Variants in DAPK1 observed in about 807,000 individuals in gnomAD.
DAPK1 encodes the protein death-associated protein kinase 1.
In DAPK1, 56 loss-of-function variants were observed where a neutral mutation model predicts 144.9. That is an observed-to-expected ratio of 0.39 (90% confidence interval 0.31 to 0.48). DAPK1 has a LOEUF of 0.48. DAPK1 is among the 20% of genes least tolerant of loss of function. DAPK1 has a pLI of 0.95. For synonymous variants in DAPK1, 690 were observed against 749.0 expected (o/e 0.92, Z 1.29); for missense variants, 1,454 against 1,875.4 (o/e 0.78, Z 4.15).
intron 24 of DAPK1, chr9:87,701,794 A>G (rs1423067613): frequency 2.2e-6 from 1 of 457,558 alleles, no homozygotes. Flanking sequence ...CTGGTTCTAG[A>G]TGTGCTTCCA....
At chr9:87,662,750 T>C (rs1367113642) in intron 18 of DAPK1, among the ~76,000 whole-genome samples, 1 of 151,976 alleles carries the variant, frequency 6.6e-6, no homozygotes, top group African/African-American at 2.4e-5. Flanking sequence ...TTTCTAGATA[T>C]AAAATCATAT....
chr9:87,508,622 G>C (rs559085885), intron 2 of DAPK1, among the ~76,000 whole-genome samples: 4 of 152,092 alleles, frequency 2.6e-5, no homozygotes, highest in Non-Finnish European at 5.9e-5. Context: ...GATTACAGGC[G>C]TGAGCCACCG....
chr9:87,654,953 G>A (rs972464175), intron 17 of DAPK1, among the ~76,000 whole-genome samples: 2 of 152,164 alleles, frequency 1.3e-5, no homozygotes, highest in Non-Finnish European at 2.9e-5. Context: ...AGACTTTCAT[G>A]TTTTGAAACC....
At chr9:87,702,098 C>T (rs561234632) in intron 24 of DAPK1, among the ~76,000 whole-genome samples, 3 of 152,146 alleles carry the variant, frequency 2.0e-5, no homozygotes, top group Non-Finnish European at 2.9e-5. Flanking sequence ...AGACACCCCC[C>T]GCCCAACCCC....
chr9:87,572,937 G>A (rs535502454), intron 2 of DAPK1, among the ~76,000 whole-genome samples: 1 of 152,302 alleles, frequency 6.6e-6, no homozygotes, highest in East Asian at 1.9e-4. Flanking sequence ...TTCTAAGCTA[G>A]ATATTGCCAA....
intron 2 of DAPK1, among the ~76,000 whole-genome samples, chr9:87,572,630 C>A (rs903217125): frequency 2.6e-5 from 4 of 152,070 alleles, no homozygotes; most frequent in Non-Finnish European, 4.4e-5. Flanking sequence ...CCTCACCTTG[C>A]TTGTGCTCTC....
At chr9:87,631,974 A>G (rs1564032370) in intron 3 of DAPK1, 9 of 630,726 alleles carry the variant, frequency 1.4e-5, no homozygotes, top group Non-Finnish European at 1.8e-5. Context: ...ATGAGTATAT[A>G]TGTAGAAATA....
At position 87,625,590 on chromosome 9, in the gene DAPK1, G is replaced by C. The variant is rs574146131; in HGVS notation, c.285-12353G>C. ...AGTGTAGAGACTTGCAGGGTCTTGG[G>C]TAGGCACAGTAGTGCTGGAGACTTC... On this transcript the variant is annotated intron_variant, in intron 3 of 25. Coordinates refer to ENST00000408954, the MANE Select transcript of DAPK1 (RefSeq NM_004938.4). 9.2e-5 allele frequency among the ~76,000 whole-genome samples: 14 copies of C among 152,284 alleles called. No individual in the cohort carries two copies. The South Asian group carries it at 2.9e-3, about 32-fold the overall frequency.
In DAPK1 at chr9:87,686,415, C is replaced by T; in HGVS notation, c.2225-136C>T. The T allele has an allele frequency of 2.6e-5, 16 of 624,914 alleles. No homozygotes were observed. The South Asian group carries it at 2.9e-4, about 11-fold the overall frequency. 38.7% of individuals were successfully genotyped at this position (624,914 alleles called of 1,614,324 possible). ...GCTGCCCTGCACGTGTGAGGGCAGACACACTCAGCCTGAAGCCAGAGTTGG... is the reference window on the plus strand; with the variant it reads ...GCTGCCCTGCACGTGTGAGGGCAGATACACTCAGCCTGAAGCCAGAGTTGG... On this transcript the variant is annotated intron_variant, in intron 20 of 25. Coordinates refer to ENST00000408954, the MANE Select transcript of DAPK1 (RefSeq NM_004938.4). The surrounding 1 kb of genome is among the most constrained non-coding windows in gnomAD (Gnocchi z 4.2).
Position 87,658,084 on chromosome 9 carries a change from G to A in DAPK1, c.1880G>A (p.Arg627Gln), listed in dbSNP as rs202110666. 46 of 1,546,512 alleles carry A rather than the reference G, an allele frequency of 3.0e-5. No individual in the cohort carries two copies. The highest frequency in any genetic ancestry group is 6.8e-5 in the African/African-American group (5 of 73,624). Residue 627 changes from arginine to glutamine, a missense_variant, in exon 18 of 26, where the codon CGG (arginine) becomes CAG (glutamine). Around this residue, in one of 2 missense-constraint regions of DAPK1, gnomAD observed 1,025 missense variants for 1,237.9 expected, o/e 0.83. Coordinates refer to ENST00000408954, the MANE Select transcript of DAPK1 (RefSeq NM_004938.4). ...AANNGILDVV[R>Q]YLCLMGASVE... ...AACAACGGAATCCTAGACGTGGTCC[G>A]GTATCTCTGTCTGATGGGAGCCAGC...
At chr9:87,537,952 C>T (rs1474635425) in intron 2 of DAPK1, among the ~76,000 whole-genome samples, 1 of 152,100 alleles carries the variant, frequency 6.6e-6, no homozygotes, top group Non-Finnish European at 1.5e-5. Flanking sequence ...GCTTTTTATC[C>T]AAAATCCCTT....
intron 2 of DAPK1, among the ~76,000 whole-genome samples, chr9:87,510,062 A>C (rs1287548193): frequency 6.6e-6 from 1 of 152,264 alleles, no homozygotes; most frequent in Non-Finnish European, 1.5e-5. Context: ...CATTACATAC[A>C]GCCTCAGGCA....
rs562102353 is a variant in DAPK1, at chr9:87,651,739, C to A, written c.1824+15C>A. ...TCTCCAACAAGGTATGCACAGAGAA[C>A]AGGATCCCTACAGCTTCCAACTGTG... is the stretch of plus-strand genomic sequence containing the variant. On this transcript the variant is annotated intron_variant, in intron 17 of 25. Coordinates refer to ENST00000408954, the MANE Select transcript of DAPK1 (RefSeq NM_004938.4). 2.7e-5 allele frequency: 43 copies of A among 1,611,536 alleles called. No individual in the cohort carries two copies. The South Asian group carries it at 4.2e-4, about 16-fold the overall frequency.
chr9:87,696,418 T>C (rs1340958527), intron 21 of DAPK1, among the ~76,000 whole-genome samples: 1 of 152,228 alleles, frequency 6.6e-6, no homozygotes. Context: ...TCAGTAGATG[T>C]GTGTCTTCGT....
chr9:87,620,143 C>CT (rs1829237489), intron 3 of DAPK1, among the ~76,000 whole-genome samples: 1 of 151,954 alleles, frequency 6.6e-6, no homozygotes, highest in Non-Finnish European at 1.5e-5. Flanking sequence ...CCCTGGCCCT[C>CT]TCCCCAGGTG....
intron 2 of DAPK1, among the ~76,000 whole-genome samples, chr9:87,504,031 A>C (rs1219505299): frequency 6.6e-6 from 1 of 152,206 alleles, no homozygotes; most frequent in African/African-American, 2.4e-5. Flanking sequence ...TGCAGGAGTC[A>C]GTCCTATGAA....
At chr9:87,555,318 T>C (rs59928044) in intron 2 of DAPK1, among the ~76,000 whole-genome samples, 12,585 of 152,202 alleles carry the variant, frequency 0.083, 871 homozygotes, top group East Asian at 0.33. Context: ...CTTGACCTCT[T>C]AAGCAACATA....
intron 22 of DAPK1, 126 bp from the exon 23 acceptor site, chr9:87,698,530 G>C: frequency 1.5e-6 from 1 of 683,822 alleles, no homozygotes; most frequent in East Asian, 2.5e-5. Flanking sequence ...TCATCTCTGT[G>C]GCATGTTGCA....
At position 87,604,823 on chromosome 9, in the gene DAPK1, A is replaced by G. The variant is rs1587760287; in HGVS notation, c.63-131A>G. On this transcript the variant is annotated intron_variant, in intron 2 of 25. Transcript: ENST00000408954. ...ATGATGATAAGAAACATCCCTACCTAATTTGTTACTTTCCACAATTGGAAC... is the reference window on the plus strand; with the variant it reads ...ATGATGATAAGAAACATCCCTACCTGATTTGTTACTTTCCACAATTGGAAC... The G allele has an allele frequency of 2.7e-5, 19 of 707,254 alleles. No individual in the cohort carries two copies. In the East Asian group the frequency reaches 5.2e-4, roughly 19 times the overall value. 43.8% of individuals were successfully genotyped at this position (707,254 alleles called of 1,614,324 possible).
Sources: gnomAD v4.1 joint callset for allele counts (sites outside exome capture counted in the v4.1 genomes callset) on GRCh38, gnomAD v4.1.1 for gene constraint, gnomAD v4.1.1 regional missense constraint, Gnocchi (gnomAD v3.1) non-coding constraint, MANE v1.5 for transcripts, NCBI Gene and HGNC (gene_info 2026-07-23, HGNC 2026-07-21) for gene names.